PKHD1L1: variants seen among roughly 807,000 people sequenced by gnomAD.
PKHD1L1 encodes fibrocystin-L.
PKHD1L1 carries 434 observed loss-of-function variants against 462.9 expected under a neutral mutation model. The ratio of observed to expected loss-of-function variants is 0.94; its 90% CI spans 0.87 to 1.02. The LOEUF is 1.02. Ranked by LOEUF, PKHD1L1 falls within the 50% of genes least tolerant of loss-of-function variation. The pLI is 0.00. For synonymous variants in PKHD1L1, 1,781 were observed against 1,750.0 expected, an observed-to-expected ratio of 1.02 and a Z score of -0.44; for missense variants, 5,202 against 5,096.1, an observed-to-expected ratio of 1.02 and a Z score of -0.63.
At chr8:109,525,174 C>T (rs1820755600) in intron 76 of PKHD1L1, among the ~76,000 whole-genome samples, 1 of 152,170 alleles carries the variant, frequency 6.6e-6, no homozygotes, top group Non-Finnish European at 1.5e-5. Flanking sequence ...GACAGCACAG[C>T]ACCCCTCTTC....
chr8:109,396,010 A>C lies in PKHD1L1; in HGVS notation c.812-17A>C. 1 of 1,513,260 alleles carries C rather than the reference A, an allele frequency of 6.6e-7. No individual in the cohort carries two copies. The allele number at this position is 1,513,260 out of a possible 1,614,324, so 93.7% of individuals were successfully genotyped here. ...TGTAATATTTATGATATTTTATTTAATGTGGTTTTCCCCCAGAGGTCACCA... is the reference window on the plus strand; with the variant it reads ...TGTAATATTTATGATATTTTATTTACTGTGGTTTTCCCCCAGAGGTCACCA... On this transcript the variant is annotated splice_polypyrimidine_tract_variant and intron_variant, in intron 10 of 77. Coordinates refer to ENST00000378402, the MANE Select transcript of PKHD1L1 (RefSeq NM_177531.6).
intron 35 of PKHD1L1, 118 bp downstream of exon 35, chr8:109,442,313 G>C: frequency 1.0e-6 from 1 of 993,960 alleles, no homozygotes; most frequent in Non-Finnish European, 1.4e-6. Context: ...AAATGCGTAA[G>C]GTATTTGGCA....
At chr8:109,442,310 T>A in intron 35 of PKHD1L1, 115 bp downstream of exon 35, 1 of 1,034,372 alleles carries the variant, frequency 9.7e-7, no homozygotes, top group Non-Finnish European at 1.3e-6. Context: ...CACAAATGCG[T>A]AAGGTATTTG....
chr8:109,433,302 C>A, intron 28 of PKHD1L1, 86 bp downstream of exon 28: 2 of 1,107,638 alleles, frequency 1.8e-6, no homozygotes, highest in South Asian at 1.4e-5. Flanking sequence ...TTATCTTGAT[C>A]GTGTACAATT....
intron 53 of PKHD1L1, 91 bp downstream of exon 53, chr8:109,477,487 C>T: frequency 8.3e-7 from 1 of 1,203,954 alleles, no homozygotes; most frequent in South Asian, 1.7e-5. Flanking sequence ...TAATGCTTTA[C>T]TCTTGCACAA....
At chr8:109,393,060 T>C (rs1812787175) in intron 9 of PKHD1L1, among the ~76,000 whole-genome samples, 1 of 152,168 alleles carries the variant, frequency 6.6e-6, no homozygotes, top group Non-Finnish European at 1.5e-5. Flanking sequence ...AGTTAATTTT[T>C]GAGATGCAGG....
At chr8:109,383,157 T>TTTA (rs1812227889) in intron 4 of PKHD1L1, among the ~76,000 whole-genome samples, 2 of 100,940 alleles carry the variant, frequency 2.0e-5, no homozygotes, top group African/African-American at 4.1e-5. Flanking sequence ...TTATATATAT[T>TTTA]TATATATAAT....
intron 77 of PKHD1L1, among the ~76,000 whole-genome samples, chr8:109,528,363 G>T (rs1168533188): frequency 6.6e-6 from 1 of 152,156 alleles, no homozygotes; most frequent in African/African-American, 2.4e-5. Context: ...ATTGCTGTCA[G>T]ATTTAAGGTC....
chr8:109,462,526 C>G (rs541176174), intron 48 of PKHD1L1, among the ~76,000 whole-genome samples: 1 of 152,050 alleles, frequency 6.6e-6, no homozygotes, highest in Admixed American at 6.6e-5. Context: ...GTCCTTTGTA[C>G]TTGCTTTTCA....
At chr8:109,389,240 C>A in intron 8 of PKHD1L1, 88 bp downstream of exon 8, 3 of 985,764 alleles carry the variant, frequency 3.0e-6, no homozygotes, top group Non-Finnish European at 4.5e-6. Context: ...CCCTCCTCTG[C>A]CCTTTTGGAT....
chr8:109,482,501 A>G (rs181439396), intron 56 of PKHD1L1, among the ~76,000 whole-genome samples: 133 of 151,902 alleles, frequency 8.8e-4, no homozygotes, highest in Middle Eastern at 3.4e-3. Context: ...TTCATATTAC[A>G]TATACTGATT....
intron 28 of PKHD1L1, among the ~76,000 whole-genome samples, chr8:109,433,746 G>T (rs1263507767): frequency 1.3e-5 from 2 of 152,126 alleles, no homozygotes; most frequent in African/African-American, 4.8e-5. Context: ...AATTCTAGGA[G>T]ATTTTTCTTA....
intron 45 of PKHD1L1, among the ~76,000 whole-genome samples, chr8:109,455,828 A>G (rs952006216): frequency 6.6e-6 from 1 of 152,140 alleles, no homozygotes; most frequent in African/African-American, 2.4e-5. Flanking sequence ...TATTATCATA[A>G]AAGTCCTACA....
chr8:109,389,248 G>A (rs980502161), intron 8 of PKHD1L1, 96 bp downstream of exon 8: 3 of 902,320 alleles, frequency 3.3e-6, no homozygotes, highest in Non-Finnish European at 5.0e-6. Context: ...TGCCCTTTTG[G>A]ATCAGGTGTT....
At chr8:109,485,224 C>T in intron 58 of PKHD1L1, 51 bp downstream of exon 58, 2 of 1,354,318 alleles carry the variant, frequency 1.5e-6, no homozygotes, top group Non-Finnish European at 2.0e-6. Flanking sequence ...TTGAAAGATT[C>T]ACATTTACTC....
chr8:109,455,762 C>T (rs910421133), intron 45 of PKHD1L1, among the ~76,000 whole-genome samples: 4 of 152,180 alleles, frequency 2.6e-5, no homozygotes, highest in Admixed American at 1.3e-4. Flanking sequence ...TGACGTCTTC[C>T]ACATTGCAAT....
intron 49 of PKHD1L1, among the ~76,000 whole-genome samples, chr8:109,465,723 A>G (rs1817405165): frequency 6.6e-6 from 1 of 152,172 alleles, no homozygotes. Context: ...TACTTTTAAG[A>G]GAAGAAATAA....
chr8:109,463,877 C>T (rs1220223561), intron 48 of PKHD1L1, among the ~76,000 whole-genome samples: 2 of 152,122 alleles, frequency 1.3e-5, no homozygotes, highest in South Asian at 2.1e-4. Flanking sequence ...CTTGTTATTA[C>T]ATAAGAAGCA....
chr8:109,439,576 C>T (rs998893816), intron 32 of PKHD1L1, among the ~76,000 whole-genome samples: 1 of 152,066 alleles, frequency 6.6e-6, no homozygotes, highest in Non-Finnish European at 1.5e-5. Context: ...GCTAACTTAT[C>T]CTGAGTATCA....
Sources: allele counts gnomAD v4.1 joint callset (sites outside exome capture counted in the v4.1 genomes callset), GRCh38; gene constraint gnomAD v4.1.1; transcripts MANE v1.5; gene names NCBI Gene and HGNC (gene_info 2026-07-23, HGNC 2026-07-21).